SMARCB1: variants seen among roughly 807,000 people sequenced by gnomAD.
SMARCB1 encodes SWI/SNF related BAF chromatin remodeling complex subunit B1.
Under a neutral mutation model 49.0 loss-of-function variants are expected in SMARCB1, and 5 were observed. That is an observed-to-expected ratio of 0.10 (90% CI 0.05 to 0.21). The LOEUF (loss-of-function observed/expected upper bound fraction) is 0.21. Among genes scored for constraint, SMARCB1 ranks in the 10% least tolerant of loss-of-function variants. SMARCB1 has a pLI of 1.00. For synonymous variants in SMARCB1, 201 were observed against 200.1 expected, an observed-to-expected ratio of 1.00 and a Z score of -0.04; for missense variants, 226 against 509.2, an observed-to-expected ratio of 0.44 and a Z score of 5.35.
intron 7 of SMARCB1, among the ~76,000 whole-genome samples, chr22:23,830,606 C>T (rs2146035912): frequency 7.5e-6 from 1 of 134,178 alleles, no homozygotes; most frequent in Non-Finnish European, 1.6e-5. Context: ...TGATAGTGTT[C>T]TTTGAAGCAC....
chr22:23,834,383 C>G lies in SMARCB1; in HGVS notation c.*203C>G, dbSNP rs1408318226. Reference sequence around the variant, plus strand: ...CAGTCCTGCCCCCCACCCCACCCTCCCTACCCCTCCCCAGTCTCTGGGGTC... The same window carrying G: ...CAGTCCTGCCCCCCACCCCACCCTCGCTACCCCTCCCCAGTCTCTGGGGTC... On this transcript the variant is annotated 3_prime_UTR_variant, in exon 9 of 9. Transcript: ENST00000644036. 4 of 701,334 alleles carry G rather than the reference C, an allele frequency of 5.7e-6. No individual in the cohort carries two copies. Among genetic ancestry groups the G allele is most frequent in the Non-Finnish European group, 1.0e-5 (4 of 386,728 alleles). 43.4% of individuals were successfully genotyped at this position (701,334 alleles called of 1,614,324 possible). A position where few individuals can be genotyped will look rare whatever the true frequency, so the allele number is the denominator to read the frequency against.
At position 23,835,028 on chromosome 22, in the gene SMARCB1, C is replaced by T; in HGVS notation, c.*848C>T. 1 of 1,417,286 alleles carries T rather than the reference C, an allele frequency of 7.1e-7. No individual in the cohort carries two copies. The highest frequency in any genetic ancestry group is 9.2e-7 in the Non-Finnish European group (1 of 1,087,994). 87.8% of individuals were successfully genotyped at this position (1,417,286 alleles called of 1,614,324 possible). A position where few individuals can be genotyped will look rare whatever the true frequency, so the allele number is the denominator to read the frequency against. On this transcript the variant is annotated 3_prime_UTR_variant, in exon 9 of 9. Coordinates refer to ENST00000644036, the MANE Select transcript of SMARCB1 (RefSeq NM_003073.5). ...GCTCCAGTGGCACCCATAGCCAGGT[C>T]AGCTGGGGCCCTTTCCCACCCCAGC...
chr22:23,788,067 T>C (rs1353308236), intron 1 of SMARCB1, among the ~76,000 whole-genome samples: 1 of 152,162 alleles, frequency 6.6e-6, no homozygotes, highest in African/African-American at 2.4e-5. Context: ...AGAGACAGGG[T>C]CTGGCTATGT....
rs573325434 is a variant in SMARCB1, at chr22:23,834,124, C to T, written c.1119-17C>T. The T allele has an allele frequency of 1.9e-6, 3 of 1,580,412 alleles. No individual in the cohort carries two copies. In the South Asian group the frequency reaches 3.5e-5, roughly 18 times the overall value. On this transcript the variant is annotated splice_polypyrimidine_tract_variant and intron_variant, in intron 8 of 8. Transcript: ENST00000644036. The stretch of plus-strand genomic sequence containing the variant: ...GGAGCTGGCCCCGACTCATTGCCCT[C>T]CCCACTCCTCTTCCAGGCGGATGAG...
rs745917709 is a variant in SMARCB1, at chr22:23,837,099, A to G, written c.*2919A>G. On this transcript the variant is annotated 3_prime_UTR_variant, in exon 9 of 9. Coordinates refer to ENST00000644036, the MANE Select transcript of SMARCB1 (RefSeq NM_003073.5). ...GGGTCTGCAGGAGCCTCTTGCCTCCAGGCTGGTTGGGGAAGACGTCCTCCA... is the reference window on the plus strand; with the variant it reads ...GGGTCTGCAGGAGCCTCTTGCCTCCGGGCTGGTTGGGGAAGACGTCCTCCA... The G allele has an allele frequency of 1.1e-5, 17 of 1,613,978 alleles. No individual in the cohort carries two copies. The highest frequency in any genetic ancestry group is 1.7e-6 in the Non-Finnish European group (2 of 1,179,922).
intron 5 of SMARCB1, among the ~76,000 whole-genome samples, chr22:23,809,275 CTTT>C (rs1259830307): frequency 7.4e-5 from 10 of 134,306 alleles, no homozygotes; most frequent in Admixed American, 1.5e-4. Context: ...ATTGGACATT[CTTT>C]TTTTTTTTTT....
At chr22:23,817,533 A>G (rs8135303) in intron 6 of SMARCB1, 19,282 of 157,156 alleles carry the variant, frequency 0.12, 1,288 homozygotes, top group South Asian at 0.27. Flanking sequence ...TAAAAAGGTC[A>G]GTGGTTTGGT....
At chr22:23,827,483 C>A (rs1792500033) in intron 7 of SMARCB1, among the ~76,000 whole-genome samples, 1 of 152,214 alleles carries the variant, frequency 6.6e-6, no homozygotes, top group Non-Finnish European at 1.5e-5. Flanking sequence ...GATTTAGAGG[C>A]AGAGGCGGGC....
At position 23,787,470 on chromosome 22, in the gene SMARCB1, A is replaced by T. The variant is rs908549112; in HGVS notation, c.93+208A>T. 5.9e-5 allele frequency among the ~76,000 whole-genome samples: 9 copies of T among 151,898 alleles called. No homozygotes were observed. The East Asian group carries it at 1.6e-3, about 26-fold the overall frequency. ...TGGGATTTCCTTACTTATTTCGCCG[A>T]GGTCCGCCGCCTTCAGTGCTGCCAA... is the stretch of plus-strand genomic sequence containing the variant. On this transcript the variant is annotated intron_variant, in intron 1 of 8. Transcript: ENST00000644036.
chr22:23,824,866 G>A (rs1183740926), intron 6 of SMARCB1: 2 of 372,556 alleles, frequency 5.4e-6, no homozygotes, highest in Non-Finnish European at 1.0e-5. Context: ...TGCCTTTCTG[G>A]TGTAGTCACG....
At chr22:23,789,613 A>G (rs1024378088) in intron 1 of SMARCB1, among the ~76,000 whole-genome samples, 2 of 152,204 alleles carry the variant, frequency 1.3e-5, no homozygotes, top group African/African-American at 2.4e-5. Context: ...CTAGAAAGCT[A>G]ATTACAGTCT....
rs745619005 is a variant in SMARCB1, at chr22:23,801,029, A to G, written c.448A>G (p.Thr150Ala). Residue 150 changes from threonine to alanine, a missense_variant, in exon 4 of 9, where the codon ACC (threonine) becomes GCC (alanine). Coordinates refer to ENST00000644036, the MANE Select transcript of SMARCB1 (RefSeq NM_003073.5). ...HHLDAVPCSTTINRNRMGRDK... is the reference protein window; with the variant it reads ...HHLDAVPCSTAINRNRMGRDK... ...CTTAGATGCCGTGCCATGCTCCACA[A>G]CCATCAACAGGAACCGCATGGGCCG... 2.5e-6 allele frequency: 4 copies of G among 1,613,980 alleles called. No homozygotes were observed. Among genetic ancestry groups the G allele is most frequent in the Non-Finnish European group, 3.4e-6 (4 of 1,179,930 alleles).
Position 23,834,405 on chromosome 22 carries a change from G to T in SMARCB1, c.*225G>T, listed in dbSNP as rs1360886518. 6 of 703,020 alleles carry T rather than the reference G, an allele frequency of 8.5e-6. No individual in the cohort carries two copies. The allele number at this position is 703,020 out of a possible 1,614,324, so 43.5% of individuals were successfully genotyped here. On this transcript the variant is annotated 3_prime_UTR_variant, in exon 9 of 9. Transcript: ENST00000644036. ...CTCCCTACCCCTCCCCAGTCTCTGG[G>T]GTCAGGAAGAAACCTTATTTTAGGT... is the stretch of plus-strand genomic sequence containing the variant.
Position 23,833,573 on chromosome 22 carries a change from G to A in SMARCB1, c.988G>A (p.Glu330Lys). 6.2e-7 allele frequency: 1 copy of A among 1,614,196 alleles called. No homozygotes were observed. The change falls in exon 8 of 9, where the codon GAG becomes AAG. Residue 330 changes from glutamate (E) to lysine (K), a missense_variant and splice_region_variant. By Grantham distance (56) the Glu-to-Lys change is moderately conservative. This residue lies in a region of SMARCB1 where 35 missense variants were observed against 107.2 expected (regional missense o/e 0.33). Coordinates refer to ENST00000644036, the MANE Select transcript of SMARCB1 (RefSeq NM_003073.5). The part of the protein sequence containing the change: ...SWHQKTYAFS[E>K]NPLPTVEIAI... ...TCTCACTGCCTCCCCTCCTCGTAGC[G>A]AGAACCCTCTGCCCACAGTGGAGAT... is the stretch of plus-strand genomic sequence containing the variant.
rs78757614 is a variant in SMARCB1 at position 23,811,988 on chromosome 22, C to G, written c.629-4782C>G. On this transcript the variant is annotated intron_variant, in intron 5 of 8. Coordinates refer to ENST00000644036, the MANE Select transcript of SMARCB1 (RefSeq NM_003073.5). ...ATATCAGGAATGAAATGGGATGTCA[C>G]CACAGACCCTGCAGATATCAAAAGG... is the stretch of plus-strand genomic sequence containing the variant. Among the ~76,000 whole-genome samples, 1,128 of 152,298 alleles carry G rather than the reference C, an allele frequency of 7.4e-3. 12 individuals carry two copies. The highest frequency in any genetic ancestry group is 0.025 in the African/African-American group (1,021 of 41,552).
chr22:23,833,396 A>C lies in SMARCB1; in HGVS notation c.987-176A>C, dbSNP rs2267045. 0.23 allele frequency among the ~76,000 whole-genome samples: 35,541 copies of C among 152,212 alleles called. 6,089 individuals carry two copies. Among genetic ancestry groups the C allele is most frequent in the African/African-American group, 0.48 (20,071 of 41,506 alleles). Reference sequence around the variant, plus strand: ...TGGGGTCATGGCGACAACACTTGTTATGGAAAGGCCCTGGCGCCTCCAGCA... The same window carrying C: ...TGGGGTCATGGCGACAACACTTGTTCTGGAAAGGCCCTGGCGCCTCCAGCA... On this transcript the variant is annotated intron_variant, in intron 7 of 8. Coordinates refer to ENST00000644036, the MANE Select transcript of SMARCB1 (RefSeq NM_003073.5).
intron 2 of SMARCB1, 50 bp from the exon 3 acceptor site, chr22:23,793,509 G>A (rs764401848): frequency 6.8e-6 from 11 of 1,611,042 alleles, no homozygotes; most frequent in Non-Finnish European, 9.3e-6. Flanking sequence ...GCTGGCTGCT[G>A]TGTGCCACCG....
In SMARCB1 at chr22:23,787,187, G is replaced by A; in HGVS notation, c.18G>A (p.Leu6=). The A allele has an allele frequency of 6.2e-7, 1 of 1,608,608 alleles. No homozygotes were observed. Among genetic ancestry groups the A allele is most frequent in the Non-Finnish European group, 8.5e-7 (1 of 1,176,952 alleles). ...CCGCCGCAATGATGATGATGGCGCTGAGCAAGACCTTCGGGCAGAAGCCCG... is the reference window on the plus strand; with the variant it reads ...CCGCCGCAATGATGATGATGGCGCTAAGCAAGACCTTCGGGCAGAAGCCCG... MMMMA[L]SKTFGQKPVK... Residue 6 remains leucine (L), a synonymous_variant, in exon 1 of 9, where the codon CTG becomes CTA. Coordinates refer to ENST00000644036, the MANE Select transcript of SMARCB1 (RefSeq NM_003073.5).
chr22:23,808,698 C>CTTT (rs533109746), intron 5 of SMARCB1, among the ~76,000 whole-genome samples: 4 of 140,690 alleles, frequency 2.8e-5, no homozygotes, highest in Admixed American at 7.2e-5. Context: ...ATTGGACATT[C>CTTT]TTTTTTTTTT....
Sources: gnomAD v4.1 joint callset for allele counts (sites outside exome capture counted in the v4.1 genomes callset) on GRCh38, gnomAD v4.1.1 for gene constraint, gnomAD v4.1.1 regional missense constraint, MANE v1.5 for transcripts, NCBI Gene and HGNC (gene_info 2026-07-23, HGNC 2026-07-21) for gene names.